The following ARSJ variants were observed in gnomAD, a reference collection of about 807,000 sequenced individuals.
The protein encoded by ARSJ is arylsulfatase family member J.
In ARSJ, 26 loss-of-function variants were observed where a neutral mutation model predicts 35.9. The ratio of observed to expected loss-of-function variants is 0.72; its 90% CI spans 0.53 to 1.00. The LOEUF is 1.00. ARSJ is among the 50% of genes least tolerant of loss of function. ARSJ has a pLI of 0.00. For synonymous variants in ARSJ, 294 were observed against 267.6 expected (o/e 1.10, Z -0.96); for missense variants, 667 against 723.6 (o/e 0.92, Z 0.90).
intron 1 of ARSJ, among the ~76,000 whole-genome samples, chr4:113,922,677 TG>T (rs1444483607): frequency 2.0e-5 from 3 of 152,184 alleles, no homozygotes; most frequent in African/African-American, 7.2e-5. Context: ...TACAGTAATA[TG>T]AAACAGTGTA....
Position 113,968,833 on chromosome 4 carries a change from A to C in ARSJ, c.398+9604T>G, listed in dbSNP as rs559265415. Among the ~76,000 whole-genome samples, 6 of 152,294 alleles carry C rather than the reference A, an allele frequency of 3.9e-5. No homozygotes were observed. The East Asian group carries it at 1.2e-3, about 29-fold the overall frequency. ...ATTGTAGGAATTTTACTCAGGTCTT[A>C]TTGTAGAGGTGGATTCAGAACCTGT... On this transcript the variant is annotated intron_variant, in intron 1 of 1. Coordinates refer to ENST00000315366, the MANE Select transcript of ARSJ (RefSeq NM_024590.4).
At chr4:113,973,052 G>C (rs1034315214) in intron 1 of ARSJ, among the ~76,000 whole-genome samples, 1 of 152,100 alleles carries the variant, frequency 6.6e-6, no homozygotes, top group Non-Finnish European at 1.5e-5. Context: ...ATTCACAGAT[G>C]ATCCCAGCAC....
chr4:113,977,384 C>T (rs771644148), intron 1 of ARSJ, among the ~76,000 whole-genome samples: 5 of 152,182 alleles, frequency 3.3e-5, no homozygotes, highest in African/African-American at 4.8e-5. Context: ...GCAAAAGTCT[C>T]TGCGAGACAG....
At chr4:113,932,348 T>C (rs1418991611) in intron 1 of ARSJ, among the ~76,000 whole-genome samples, 1 of 152,012 alleles carries the variant, frequency 6.6e-6, no homozygotes, top group African/African-American at 2.4e-5. Flanking sequence ...AAAGTTAAAC[T>C]AGACATTAGA....
Position 113,903,342 on chromosome 4 carries a change from C to T in ARSJ, c.732G>A (p.Gln244=), listed in dbSNP as rs767228721. 1.2e-6 allele frequency: 2 copies of T among 1,614,176 alleles called. No individual in the cohort carries two copies. The highest frequency in any genetic ancestry group is 1.7e-6 in the Non-Finnish European group (2 of 1,180,028). The change falls in exon 2 of 2, where the codon CAG becomes CAA. Residue 244 remains glutamine, a synonymous_variant. Transcript: ENST00000315366. ...NGIYSTQMYT[Q]RVQQILASHN... is the part of the protein sequence containing the mutation. ...GGGAAGCTAAGATTTGCTGTACTCTCTGAGTGTACATCTGTGTGGAGTATA... is the reference window on the plus strand; with the variant it reads ...GGGAAGCTAAGATTTGCTGTACTCTTTGAGTGTACATCTGTGTGGAGTATA...
intron 1 of ARSJ, among the ~76,000 whole-genome samples, chr4:113,921,954 G>A (rs1216857679): frequency 1.3e-5 from 2 of 152,124 alleles, no homozygotes; most frequent in Admixed American, 1.3e-4. Context: ...ATAGTTCTAA[G>A]AAGAAATCAA....
intron 1 of ARSJ, among the ~76,000 whole-genome samples, chr4:113,918,527 C>T (rs2888768): frequency 0.021 from 3,178 of 152,090 alleles, 50 homozygotes; most frequent in Non-Finnish European, 0.03. Context: ...AGAATACAAA[C>T]GGATCCTGAT....
chr4:113,908,727 T>A (rs2099669534), intron 1 of ARSJ, among the ~76,000 whole-genome samples: 1 of 152,182 alleles, frequency 6.6e-6, no homozygotes, highest in Admixed American at 6.5e-5. Flanking sequence ...CACTCATGCA[T>A]ACTGTATTAA....
At chr4:113,972,306 AC>A (rs137959599) in intron 1 of ARSJ, among the ~76,000 whole-genome samples, 26,193 of 113,982 alleles carry the variant, frequency 0.23, 3,968 homozygotes, top group Non-Finnish European at 0.32. Flanking sequence ...AAAAAAAAAA[AC>A]AAAAAAAAAA....
intron 1 of ARSJ, among the ~76,000 whole-genome samples, chr4:113,963,621 CA>C (rs1285245673): frequency 6.6e-6 from 1 of 151,344 alleles, no homozygotes; most frequent in African/African-American, 2.4e-5. Context: ...GGAACAAAGC[CA>C]AACCATAATC....
chr4:113,963,312 A>G (rs956812553), intron 1 of ARSJ, among the ~76,000 whole-genome samples: 1 of 151,998 alleles, frequency 6.6e-6, no homozygotes. Flanking sequence ...GGTAGTTTAT[A>G]AAGGAAAGAG....
chr4:113,908,603 G>A (rs569403624), intron 1 of ARSJ, among the ~76,000 whole-genome samples: 1 of 152,232 alleles, frequency 6.6e-6, no homozygotes, highest in East Asian at 1.9e-4. Flanking sequence ...AAGGCAGTGT[G>A]CAAATTCTGA....
chr4:113,975,037 C>T (rs1727506511), intron 1 of ARSJ, among the ~76,000 whole-genome samples: 1 of 152,036 alleles, frequency 6.6e-6, no homozygotes, highest in African/African-American at 2.4e-5. Context: ...AAACATAATG[C>T]TAAAAGAAAC....
At chr4:113,923,997 T>C (rs1352089699) in intron 1 of ARSJ, among the ~76,000 whole-genome samples, 4 of 144,210 alleles carry the variant, frequency 2.8e-5, no homozygotes, top group Non-Finnish European at 6.0e-5. Flanking sequence ...TAATAATAAA[T>C]AGAATCTACT....
At chr4:113,917,542 T>A (rs927571412) in intron 1 of ARSJ, among the ~76,000 whole-genome samples, 1 of 152,144 alleles carries the variant, frequency 6.6e-6, no homozygotes, top group Non-Finnish European at 1.5e-5. Flanking sequence ...AAAATTATAT[T>A]AGAACACAAG....
chr4:113,924,620 C>G (rs1157425179), intron 1 of ARSJ, among the ~76,000 whole-genome samples: 3 of 152,134 alleles, frequency 2.0e-5, no homozygotes, highest in Non-Finnish European at 2.9e-5. Flanking sequence ...TTCCTTCATA[C>G]AACCAGAAGT....
chr4:113,936,820 A>G (rs929053683), intron 1 of ARSJ, among the ~76,000 whole-genome samples: 2 of 151,892 alleles, frequency 1.3e-5, no homozygotes, highest in Admixed American at 1.3e-4. Context: ...GAAGCAAAAC[A>G]TTAAAAAAAT....
In ARSJ at chr4:113,905,566, T is replaced by C. The variant is rs78467326; in HGVS notation, c.399-1891A>G. 7.1e-3 allele frequency among the ~76,000 whole-genome samples: 1,079 copies of C among 152,114 alleles called. 8 individuals carry two copies. Among genetic ancestry groups the C allele is most frequent in the African/African-American group, 0.025 (1,024 of 41,494 alleles). On this transcript the variant is annotated intron_variant, in intron 1 of 1. Coordinates refer to ENST00000315366, the MANE Select transcript of ARSJ (RefSeq NM_024590.4). ...GTCAGTTTTGCAATAGTCATGATTG[T>C]GGTAATTTAAAATGTAAGAAATTCC... is the stretch of plus-strand genomic sequence containing the variant.
At chr4:113,978,373 C>T (rs577334558) in intron 1 of ARSJ, 64 bp downstream of exon 1, 1 of 1,441,410 alleles carries the variant, frequency 6.9e-7, no homozygotes, top group Non-Finnish European at 9.3e-7. Flanking sequence ...AAATTTGGAG[C>T]TGGATCTTCA....
Sources: allele counts gnomAD v4.1 joint callset (sites outside exome capture counted in the v4.1 genomes callset), GRCh38; gene constraint gnomAD v4.1.1; transcripts MANE v1.5; gene names NCBI Gene and HGNC (gene_info 2026-07-23, HGNC 2026-07-21).